The following CREG2 variants were observed in gnomAD, a reference collection of about 807,000 sequenced individuals.
CREG2 encodes the protein cellular repressor of E1A stimulated genes 2, also known as protein CREG2.
A neutral mutation model predicts 26.2 loss-of-function variants in CREG2; 24 were observed. That is an observed-to-expected ratio of 0.92 (90% CI 0.66 to 1.29). The LOEUF (loss-of-function observed/expected upper bound fraction) is 1.29. CREG2 is among the 50% of genes most tolerant of loss of function. The pLI is 0.00. For missense variants in CREG2, 366 were observed against 398.6 expected (o/e 0.92, Z 0.70); for synonymous variants, 174 against 169.2 (o/e 1.03, Z -0.22).
chr2:101,367,028 G>A (rs1233058940), intron 2 of CREG2, among the ~76,000 whole-genome samples: 3 of 152,142 alleles, frequency 2.0e-5, no homozygotes, highest in Non-Finnish European at 4.4e-5. Flanking sequence ...TTGGTGGGGG[G>A]CTGGAGGAGG....
chr2:101,363,209 G>A (rs1049408868), intron 2 of CREG2, among the ~76,000 whole-genome samples: 1 of 152,236 alleles, frequency 6.6e-6, no homozygotes, highest in African/African-American at 2.4e-5. Flanking sequence ...TTGTACTGGG[G>A]ATTCCAGAAT....
chr2:101,348,004 A>G lies in CREG2; in HGVS notation c.*2919T>C, dbSNP rs1440746629. 1 of 152,228 alleles carries G rather than the reference A, an allele frequency of 6.6e-6. No individual in the cohort carries two copies. Among genetic ancestry groups the G allele is most frequent in the Non-Finnish European group, 1.5e-5 (1 of 68,040 alleles). The allele number at this position is 152,228 out of a possible 1,614,324, so 9.4% of individuals were successfully genotyped here. A position where few individuals can be genotyped will look rare whatever the true frequency, so the allele number is the denominator to read the frequency against. On this transcript the variant is annotated 3_prime_UTR_variant, in exon 4 of 4. Coordinates refer to ENST00000324768, the MANE Select transcript of CREG2 (RefSeq NM_153836.4). The stretch of plus-strand genomic sequence containing the variant: ...TGCATAAGGTATGAAGTTTAGTCCA[A>G]GGTTCATTTTATTTTCCTATGGATG...
intron 2 of CREG2, among the ~76,000 whole-genome samples, chr2:101,363,883 CAG>C (rs1491197242): frequency 1.2e-4 from 18 of 148,008 alleles, no homozygotes; most frequent in Admixed American, 1.0e-3. Context: ...CACACACACA[CAG>C]ACACACACAC....
Position 101,387,236 on chromosome 2 carries a change from G to A in CREG2, c.222C>T (p.Phe74=). 7.0e-7 allele frequency: 1 copy of A among 1,435,790 alleles called. No homozygotes were observed. The highest frequency in any genetic ancestry group is 1.4e-5 in the South Asian group (1 of 70,562). The allele number at this position is 1,435,790 out of a possible 1,614,324, so 88.9% of individuals were successfully genotyped here. The part of the protein sequence containing the change: ...EDSGSIWQQS[F]PASAHKEDAH... ...CGTCCTCCTTGTGGGCAGAGGCGGG[G>A]AAGCTTTGCTGCCAGATGCTGCCCG... Residue 74 remains phenylalanine, a synonymous_variant, in exon 1 of 4, where the codon TTC becomes TTT. Transcript: ENST00000324768. The surrounding 1 kb of genome is among the most constrained non-coding windows in gnomAD (Gnocchi z 4.7).
rs181551668 is a variant in CREG2, at chr2:101,359,548, G to A, written c.612-4182C>T. On this transcript the variant is annotated intron_variant, in intron 2 of 3. Transcript: ENST00000324768. Reference sequence around the variant, plus strand: ...TCTATTGGGAGACTACCTTTCCCTGGCACTGGGTGTGACCAATTATTTTTT... The same window carrying A: ...TCTATTGGGAGACTACCTTTCCCTGACACTGGGTGTGACCAATTATTTTTT... 3.9e-5 allele frequency among the ~76,000 whole-genome samples: 6 copies of A among 152,266 alleles called. No homozygotes were observed. The East Asian group carries it at 9.6e-4, about 24-fold the overall frequency.
chr2:101,381,097 G>A (rs561877737), intron 2 of CREG2, among the ~76,000 whole-genome samples: 38 of 152,284 alleles, frequency 2.5e-4, no homozygotes, highest in Admixed American at 1.2e-3. Context: ...GAATCTCCCC[G>A]CTCCTGTGGG....
At chr2:101,385,158 ATATT>A (rs902792184) in intron 1 of CREG2, among the ~76,000 whole-genome samples, 35 of 152,248 alleles carry the variant, frequency 2.3e-4, no homozygotes, top group Middle Eastern at 6.8e-3. Flanking sequence ...ATAAACAAAA[ATATT>A]TATTTATTTA....
chr2:101,385,806 T>C (rs1318786074), intron 1 of CREG2, among the ~76,000 whole-genome samples: 3 of 152,234 alleles, frequency 2.0e-5, no homozygotes, highest in South Asian at 2.1e-4. Context: ...TCTGAATTTA[T>C]TGTTTAAATC....
intron 2 of CREG2, among the ~76,000 whole-genome samples, chr2:101,359,304 G>A (rs992623084): frequency 1.3e-5 from 2 of 152,192 alleles, no homozygotes; most frequent in African/African-American, 2.4e-5. Context: ...ATGTGCAGTG[G>A]CCTGCCAGCT....
At chr2:101,375,680 T>C in intron 2 of CREG2, 1 of 197,640 alleles carries the variant, frequency 5.1e-6, no homozygotes, top group Non-Finnish European at 1.1e-5. Flanking sequence ...TCTAGGCATT[T>C]CCTCGGGACC....
At chr2:101,368,449 G>C (rs1346525125) in intron 2 of CREG2, among the ~76,000 whole-genome samples, 1 of 152,128 alleles carries the variant, frequency 6.6e-6, no homozygotes, top group Non-Finnish European at 1.5e-5. Flanking sequence ...CCAATAAATG[G>C]CCCCACACTG....
chr2:101,367,803 G>C (rs1011397428), intron 2 of CREG2, among the ~76,000 whole-genome samples: 1 of 152,212 alleles, frequency 6.6e-6, no homozygotes, highest in Admixed American at 6.5e-5. Flanking sequence ...TAGGAGGTGG[G>C]ATGACAGAAG....
intron 2 of CREG2, 105 bp from the exon 3 acceptor site, chr2:101,355,471 T>C: frequency 1.4e-6 from 1 of 698,706 alleles, no homozygotes; most frequent in Non-Finnish European, 2.6e-6. Context: ...TTCCTGGTTA[T>C]ATCATTCAGG....
rs928890144 is a variant in CREG2 at position 101,383,659 on chromosome 2, C to T, written c.485G>A (p.Gly162Asp). The T allele has an allele frequency of 6.2e-7, 1 of 1,612,934 alleles. No homozygotes were observed. The part of the protein sequence containing the change: ...PFGNCLPVSD[G>D]PFNNSTGIPF... ...AATCCCAGTGCTATTGTTGAAGGGG[C>T]CATCACTGACGGGCAGGCAGTTCCC... The change falls in exon 2 of 4, where the codon GGC becomes GAC. Residue 162 changes from glycine to aspartate, a missense_variant. Coordinates refer to ENST00000324768, the MANE Select transcript of CREG2 (RefSeq NM_153836.4).
chr2:101,361,131 T>C (rs1275688996), intron 2 of CREG2, among the ~76,000 whole-genome samples: 2 of 152,206 alleles, frequency 1.3e-5, no homozygotes, highest in African/African-American at 4.8e-5. Context: ...TAGGGAGCAT[T>C]TTTGCTTCTC....
rs1195616271 is a variant in CREG2 at position 101,345,961 on chromosome 2, C to T, written c.*4962G>A. ...ACCTCAGCCTCTTGAGTAGCTAGAA[C>T]TACAGGTGTGCACCACCATGCTGGG... On this transcript the variant is annotated 3_prime_UTR_variant, in exon 4 of 4. Transcript: ENST00000324768. 1 of 148,558 alleles carries T rather than the reference C, an allele frequency of 6.7e-6. No individual in the cohort carries two copies. The highest frequency in any genetic ancestry group is 2.5e-5 in the African/African-American group (1 of 40,330). 9.2% of individuals were successfully genotyped at this position (148,558 alleles called of 1,614,324 possible).
intron 2 of CREG2, among the ~76,000 whole-genome samples, chr2:101,381,192 C>A (rs980902818): frequency 2.6e-5 from 4 of 152,176 alleles, no homozygotes; most frequent in African/African-American, 9.7e-5. Flanking sequence ...GCAGGAGGGG[C>A]ACCTTGCTGG....
intron 2 of CREG2, among the ~76,000 whole-genome samples, chr2:101,363,380 G>A (rs1022972320): frequency 9.2e-5 from 14 of 152,190 alleles, no homozygotes; most frequent in Non-Finnish European, 7.3e-5. Context: ...TAACCTTCTC[G>A]GAGATAAGTA....
rs900804149 is a variant in CREG2, at chr2:101,350,250, G to T, written c.*673C>A. The T allele has an allele frequency of 6.6e-6, 1 of 152,248 alleles. No homozygotes were observed. Among genetic ancestry groups the T allele is most frequent in the African/African-American group, 2.4e-5 (1 of 41,436 alleles). The allele number at this position is 152,248 out of a possible 1,614,324, so 9.4% of individuals were successfully genotyped here. On this transcript the variant is annotated 3_prime_UTR_variant, in exon 4 of 4. Transcript: ENST00000324768. Reference sequence around the variant, plus strand: ...GGGATCTGGGGAGCTTAATGTCAAAGCTACTCCTTTCTCTTTAATGACTGC... The same window carrying T: ...GGGATCTGGGGAGCTTAATGTCAAATCTACTCCTTTCTCTTTAATGACTGC...
Sources: gnomAD v4.1 joint callset for allele counts (sites outside exome capture counted in the v4.1 genomes callset) on GRCh38, gnomAD v4.1.1 for gene constraint, Gnocchi (gnomAD v3.1) non-coding constraint, MANE v1.5 for transcripts, NCBI Gene and HGNC (gene_info 2026-07-23, HGNC 2026-07-21) for gene names.